SEPTIN10: variants seen among roughly 807,000 people sequenced by gnomAD.
The protein encoded by SEPTIN10 is septin-10.
Under a neutral mutation model 54.8 loss-of-function variants are expected in SEPTIN10, and 66 were observed. The ratio of observed to expected loss-of-function variants is 1.21; its 90% confidence interval spans 0.99 to 1.48. The LOEUF is 1.48. Among genes scored for constraint, SEPTIN10 ranks in the 40% most tolerant of loss-of-function variants. The pLI is 0.00. For synonymous variants in SEPTIN10, 161 were observed against 181.0 expected, an observed-to-expected ratio of 0.89 and a Z score of 0.89; for missense variants, 620 against 545.6, an observed-to-expected ratio of 1.14 and a Z score of -1.36.
intron 2 of SEPTIN10, among the ~76,000 whole-genome samples, chr2:109,590,983 C>T (rs1015915466): frequency 2.6e-5 from 4 of 152,204 alleles, no homozygotes; most frequent in Non-Finnish European, 4.4e-5. Flanking sequence ...AGATGGGCCA[C>T]GTCTGGCCTT....
At chr2:109,552,032 C>T (rs1266273450) in intron 9 of SEPTIN10, among the ~76,000 whole-genome samples, 2 of 152,226 alleles carry the variant, frequency 1.3e-5, no homozygotes, top group African/African-American at 4.8e-5. Flanking sequence ...ACAAGCATTA[C>T]TGCCTGAGCT....
intron 5 of SEPTIN10, among the ~76,000 whole-genome samples, chr2:109,573,298 C>T (rs1688822138): frequency 6.6e-6 from 1 of 152,222 alleles, no homozygotes; most frequent in African/African-American, 2.4e-5. Flanking sequence ...CCTCCACTGA[C>T]ACCAGCTTCT....
chr2:109,578,249 G>A (rs1486120806), intron 4 of SEPTIN10, among the ~76,000 whole-genome samples: 1 of 152,146 alleles, frequency 6.6e-6, no homozygotes, highest in Non-Finnish European at 1.5e-5. Context: ...ACCATTGTCA[G>A]ATTGTGTTTT....
intron 8 of SEPTIN10, among the ~76,000 whole-genome samples, chr2:109,562,334 T>C (rs965412838): frequency 1.3e-5 from 2 of 152,002 alleles, no homozygotes; most frequent in African/African-American, 2.4e-5. Context: ...TGGACCACCA[T>C]GGCAACCTCC....
At chr2:109,570,439 T>C (rs570073720) in intron 5 of SEPTIN10, among the ~76,000 whole-genome samples, 1 of 152,220 alleles carries the variant, frequency 6.6e-6, no homozygotes, top group Admixed American at 6.5e-5. Flanking sequence ...AGGGGAAAAA[T>C]TTTTTTAATG....
intron 4 of SEPTIN10, 77 bp downstream of exon 4, chr2:109,585,049 A>C (rs1264446578): frequency 7.9e-6 from 6 of 762,794 alleles, no homozygotes; most frequent in Non-Finnish European, 1.2e-5. Context: ...AGAAAATCAA[A>C]TCATAGTTCA....
chr2:109,600,400 C>A (rs772024048), intron 1 of SEPTIN10, among the ~76,000 whole-genome samples: 1 of 152,116 alleles, frequency 6.6e-6, no homozygotes, highest in African/African-American at 2.4e-5. Context: ...ACCTGTATAA[C>A]CATCAATTAT....
chr2:109,558,529 A>G (rs1371970895), intron 8 of SEPTIN10, among the ~76,000 whole-genome samples: 1 of 152,226 alleles, frequency 6.6e-6, no homozygotes, highest in Non-Finnish European at 1.5e-5. Flanking sequence ...AGAGTTTTAT[A>G]AAGGCATGTT....
chr2:109,613,744 T>A (rs1324946874), intron 1 of SEPTIN10, 54 bp downstream of exon 1: 1 of 1,150,070 alleles, frequency 8.7e-7, no homozygotes, highest in Non-Finnish European at 1.1e-6. Flanking sequence ...GGGCGGGAAG[T>A]CCCGCGGGGG....
intron 10 of SEPTIN10, 57 bp from the exon 11 acceptor site, chr2:109,544,381 TTA>T: frequency 6.5e-7 from 1 of 1,547,250 alleles, no homozygotes; most frequent in Non-Finnish European, 8.6e-7. Flanking sequence ...CAAGTAAAAA[TTA>T]GCAAACATGC....
At chr2:109,589,714 T>TA (rs1325698774) in intron 2 of SEPTIN10, among the ~76,000 whole-genome samples, 1 of 151,266 alleles carries the variant, frequency 6.6e-6, no homozygotes, top group African/African-American at 2.5e-5. Context: ...CCTATGAAGT[T>TA]AAACACATAT....
At chr2:109,593,894 G>T (rs542823946) in intron 1 of SEPTIN10, among the ~76,000 whole-genome samples, 1 of 152,070 alleles carries the variant, frequency 6.6e-6, no homozygotes, top group Non-Finnish European at 1.5e-5. Flanking sequence ...CATATTACAC[G>T]TCCATATCAC....
intron 5 of SEPTIN10, among the ~76,000 whole-genome samples, chr2:109,571,584 A>G (rs533802733): frequency 1.6e-4 from 24 of 152,362 alleles, no homozygotes; most frequent in African/African-American, 5.8e-4. Context: ...ACAGTACAGT[A>G]AAAATAAGGT....
At chr2:109,582,340 G>A (rs1291713776) in intron 4 of SEPTIN10, among the ~76,000 whole-genome samples, 1 of 152,038 alleles carries the variant, frequency 6.6e-6, no homozygotes, top group Non-Finnish European at 1.5e-5. Context: ...TTGTTTTTGA[G>A]AAGGTATCAC....
chr2:109,551,543 C>G (rs1682958676), intron 9 of SEPTIN10, among the ~76,000 whole-genome samples: 1 of 152,172 alleles, frequency 6.6e-6, no homozygotes, highest in South Asian at 2.1e-4. Context: ...CTGGGGAAAT[C>G]TGAATAAGGA....
chr2:109,547,369 G>GTTTTTTTTTTTTTTTTTTTT (rs35573327), intron 9 of SEPTIN10, among the ~76,000 whole-genome samples: 3 of 117,874 alleles, frequency 2.5e-5, no homozygotes, highest in Non-Finnish European at 3.5e-5. Flanking sequence ...TAATAAACTT[G>GTTTTTTTTTTTTTTTTTTTT]TTTTTTTTTT....
chr2:109,592,301 C>G (rs1222237844), intron 2 of SEPTIN10, among the ~76,000 whole-genome samples: 1 of 151,358 alleles, frequency 6.6e-6, no homozygotes, highest in African/African-American at 2.4e-5. Flanking sequence ...CCCGTCTCTA[C>G]TAAAAATACA....
At chr2:109,583,529 C>A (rs1051857478) in intron 4 of SEPTIN10, among the ~76,000 whole-genome samples, 2 of 152,100 alleles carry the variant, frequency 1.3e-5, no homozygotes, top group Non-Finnish European at 2.9e-5. Flanking sequence ...AATGCTTGTA[C>A]CCTGCTGGTG....
intron 5 of SEPTIN10, among the ~76,000 whole-genome samples, chr2:109,570,590 T>C (rs1464723518): frequency 6.6e-6 from 1 of 151,904 alleles, no homozygotes; most frequent in Admixed American, 6.6e-5. Flanking sequence ...AGTGGCGTGA[T>C]GTTGGCTCAC....
Sources: gnomAD v4.1 joint callset for allele counts (sites outside exome capture counted in the v4.1 genomes callset) on GRCh38, gnomAD v4.1.1 for gene constraint, MANE v1.5 for transcripts, NCBI Gene and HGNC (gene_info 2026-07-23, HGNC 2026-07-21) for gene names.